The following CFAP61 variants were observed in gnomAD, a reference collection of about 807,000 sequenced individuals.
CFAP61 encodes the protein cilia- and flagella-associated protein 61.
Under a neutral mutation model 135.6 loss-of-function variants are expected in CFAP61, and 107 were observed. That is an observed-to-expected ratio of 0.79 (90% confidence interval 0.67 to 0.93). The LOEUF (loss-of-function observed/expected upper bound fraction) is 0.93. CFAP61 is among the 40% of genes least tolerant of loss of function. The pLI is 0.00. For missense variants in CFAP61, 1,507 were observed against 1,556.2 expected (o/e 0.97, Z 0.53); for synonymous variants, 575 against 578.5 (o/e 0.99, Z 0.09).
intron 13 of CFAP61, among the ~76,000 whole-genome samples, chr20:20,176,048 T>C (rs1289923516): frequency 2.0e-5 from 3 of 151,990 alleles, no homozygotes; most frequent in African/African-American, 7.3e-5. Context: ...CAAAGGACCA[T>C]GAACAGACAC....
At chr20:20,061,474 A>G (rs2044791386) in intron 2 of CFAP61, among the ~76,000 whole-genome samples, 1 of 152,206 alleles carries the variant, frequency 6.6e-6, no homozygotes, top group Non-Finnish European at 1.5e-5. Context: ...TATCAGGAAA[A>G]AAGATATGCC....
chr20:20,333,930 G>A (rs958490146), intron 25 of CFAP61, among the ~76,000 whole-genome samples: 1 of 152,120 alleles, frequency 6.6e-6, no homozygotes, highest in East Asian at 1.9e-4. Flanking sequence ...CTGTGGGCTG[G>A]TCAGGATTTC....
rs1198105583 is a variant in CFAP61 at position 20,276,779 on chromosome 20, A to G, written c.2504-387A>G. Among the ~76,000 whole-genome samples, 4 of 152,238 alleles carry G rather than the reference A, an allele frequency of 2.6e-5. No homozygotes were observed. The South Asian group carries it at 8.3e-4, about 31-fold the overall frequency. On this transcript the variant is annotated intron_variant, in intron 21 of 26. Coordinates refer to ENST00000245957, the MANE Select transcript of CFAP61 (RefSeq NM_015585.4). Reference sequence around the variant, plus strand: ...AACATCATGAGCATGAATATTTTTTACCATTGCCTTTTTGTCTGTAAGGAA... The same window carrying G: ...AACATCATGAGCATGAATATTTTTTGCCATTGCCTTTTTGTCTGTAAGGAA...
At chr20:20,235,561 C>T (rs2049524390) in intron 18 of CFAP61, among the ~76,000 whole-genome samples, 1 of 152,088 alleles carries the variant, frequency 6.6e-6, no homozygotes. Flanking sequence ...GCCTCACTCC[C>T]AAAAAAGCAA....
intron 26 of CFAP61, among the ~76,000 whole-genome samples, chr20:20,356,641 G>T (rs113539360): frequency 2.8e-5 from 1 of 35,550 alleles, no homozygotes; most frequent in Non-Finnish European, 6.6e-5. Context: ...AGAGGAGGTG[G>T]TCACACTGAG....
intron 17 of CFAP61, chr20:20,200,835 C>T (rs7265557): frequency 7.1e-6 from 7 of 985,306 alleles, no homozygotes; most frequent in Admixed American, 6.1e-5. Context: ...CTTACTTGTG[C>T]GTGCACTGAG....
intron 26 of CFAP61, among the ~76,000 whole-genome samples, chr20:20,344,161 G>A (rs563758433): frequency 1.1e-4 from 16 of 152,352 alleles, no homozygotes; most frequent in African/African-American, 3.8e-4. Context: ...AGCTCAGCTG[G>A]ACTATGCAAT....
At chr20:20,349,044 A>T (rs1044920781) in intron 26 of CFAP61, among the ~76,000 whole-genome samples, 1 of 152,260 alleles carries the variant, frequency 6.6e-6, no homozygotes, top group Non-Finnish European at 1.5e-5. Flanking sequence ...CTGGAAAGGA[A>T]GAAGTGAAAC....
intron 13 of CFAP61, among the ~76,000 whole-genome samples, chr20:20,178,797 G>A (rs982122872): frequency 6.6e-5 from 10 of 152,128 alleles, no homozygotes; most frequent in South Asian, 2.1e-4. Context: ...TCAGTCCTTG[G>A]CCCCTTCTGC....
chr20:20,239,006 C>T (rs1025320115), intron 18 of CFAP61, among the ~76,000 whole-genome samples: 1 of 151,482 alleles, frequency 6.6e-6, no homozygotes, highest in Admixed American at 6.6e-5. Context: ...GAGCTGAGGG[C>T]TCACGGTGAT....
At chr20:20,122,681 T>A (rs2049751045) in intron 8 of CFAP61, among the ~76,000 whole-genome samples, 1 of 152,240 alleles carries the variant, frequency 6.6e-6, no homozygotes, top group African/African-American at 2.4e-5. Flanking sequence ...GCAATTTGGG[T>A]TGGTTCCATG....
At chr20:20,262,206 C>A (rs1309562216) in intron 20 of CFAP61, among the ~76,000 whole-genome samples, 1 of 152,188 alleles carries the variant, frequency 6.6e-6, no homozygotes, top group Non-Finnish European at 1.5e-5. Context: ...GTCTAGGTTC[C>A]CTCCCCTGGT....
At chr20:20,229,859 G>T (rs1300248138) in intron 18 of CFAP61, among the ~76,000 whole-genome samples, 3 of 152,200 alleles carry the variant, frequency 2.0e-5, no homozygotes, top group African/African-American at 4.8e-5. Context: ...AGCATGAAAT[G>T]ATGAGAAGCA....
intron 7 of CFAP61, among the ~76,000 whole-genome samples, chr20:20,093,930 G>T (rs983786772): frequency 2.0e-5 from 3 of 152,072 alleles, no homozygotes; most frequent in African/African-American, 7.2e-5. Flanking sequence ...TCCTGCCTCA[G>T]CCTCCCAAAG....
intron 6 of CFAP61, 79 bp from the exon 7 acceptor site, chr20:20,090,765 G>A: frequency 2.0e-6 from 3 of 1,466,936 alleles, no homozygotes; most frequent in Non-Finnish European, 2.8e-6. Flanking sequence ...TTAGAACAGG[G>A]TCTGGCACAC....
At chr20:20,164,873 C>T (rs966145328) in intron 11 of CFAP61, among the ~76,000 whole-genome samples, 1 of 152,168 alleles carries the variant, frequency 6.6e-6, no homozygotes, top group African/African-American at 2.4e-5. Context: ...AAGATGAAAG[C>T]CATGTCTTAC....
chr20:20,196,980 T>G (rs1286279471), intron 16 of CFAP61, among the ~76,000 whole-genome samples: 1 of 152,212 alleles, frequency 6.6e-6, no homozygotes, highest in African/African-American at 2.4e-5. Flanking sequence ...CAATCACAAC[T>G]AATATAATTG....
At chr20:20,128,480 G>T (rs2050247364) in intron 8 of CFAP61, among the ~76,000 whole-genome samples, 1 of 151,716 alleles carries the variant, frequency 6.6e-6, no homozygotes, top group Non-Finnish European at 1.5e-5. Context: ...TATGTATTTG[G>T]GAGAGGAGGA....
intron 13 of CFAP61, among the ~76,000 whole-genome samples, chr20:20,181,061 G>T (rs1159799594): frequency 6.6e-6 from 1 of 151,726 alleles, no homozygotes; most frequent in African/African-American, 2.4e-5. Context: ...TGGATACTAG[G>T]CTCAATACCT....
Sources: allele counts gnomAD v4.1 joint callset (sites outside exome capture counted in the v4.1 genomes callset), GRCh38; gene constraint gnomAD v4.1.1; transcripts MANE v1.5; gene names NCBI Gene and HGNC (gene_info 2026-07-23, HGNC 2026-07-21).